Variants in EPX observed in about 807,000 individuals in gnomAD.
EPX encodes eosinophil peroxidase.
EPX carries 60 observed loss-of-function variants against 73.0 expected under a neutral mutation model. The observed-to-expected ratio is 0.82, with a 90% CI of 0.67 to 1.02. The LOEUF is 1.02. Ranked by LOEUF, EPX falls within the 50% of genes least tolerant of loss-of-function variation. The pLI is 0.00. For missense variants in EPX, 950 were observed against 973.9 expected (o/e 0.98, Z 0.33); for synonymous variants, 347 against 389.2 (o/e 0.89, Z 1.28).
intron 11 of EPX, among the ~76,000 whole-genome samples, chr17:58,203,874 G>A (rs1458019068): frequency 7.6e-6 from 1 of 131,094 alleles, no homozygotes; most frequent in African/African-American, 2.8e-5. Flanking sequence ...GGAGCTTGCA[G>A]TGAGCCGAGA....
rs1180820614 is a variant in EPX at position 58,203,311 on chromosome 17, G to A, written c.1939G>A (p.Gly647Arg). The change falls in exon 11 of 13, where the codon GGA (glycine) becomes AGA (arginine). Residue 647 changes from glycine (G) to arginine (R), a missense_variant. By Grantham distance (125) the Gly-to-Arg change is moderately radical. Transcript: ENST00000225371. Reference protein sequence around the residue: ...FENQFRRARDGDRFWWQKRGV... With the variant: ...FENQFRRARDRDRFWWQKRGV... ...GAACCAGTTCAGAAGAGCCCGAGAC[G>A]GAGACAGGTAAGTGACCCTATCATA... The A allele has an allele frequency of 9.9e-6, 16 of 1,610,174 alleles. No homozygotes were observed. In the East Asian group the frequency reaches 1.3e-4, roughly 13 times the overall value.
chr17:58,193,643 G>A (rs1704375894), intron 3 of EPX, 71 bp from the exon 4 acceptor site: 1 of 1,550,556 alleles, frequency 6.4e-7, no homozygotes, highest in Non-Finnish European at 8.9e-7. Context: ...GGGGTGCTGG[G>A]AGGAGAGAGG....
rs767679184 is a variant in EPX at position 58,193,117 on chromosome 17, T to C, written c.156T>C (p.Asn52=). The part of the protein sequence containing the change: ...EAKLLVDAAY[N]WTQKSIKQRL... ...AGTTGCTGGTGGATGCTGCCTACAA[T>C]TGGACCCAGAAGAGGTGGACTTGGG... Residue 52 remains asparagine, a synonymous_variant, in exon 2 of 13, where the codon AAT becomes AAC. Transcript: ENST00000225371. 6.2e-7 allele frequency: 1 copy of C among 1,611,196 alleles called. No individual in the cohort carries two copies. The highest frequency in any genetic ancestry group is 1.7e-5 in the Admixed American group (1 of 60,026).
At chr17:58,202,874 A>G in intron 10 of EPX, 2 of 615,196 alleles carry the variant, frequency 3.3e-6, no homozygotes. Context: ...AGTCTGATGC[A>G]CACTGAGCAC....
At position 58,197,226 on chromosome 17, in the gene EPX, C is replaced by T. The variant is rs1304223856; in HGVS notation, c.1089C>T (p.Asn363=). ...ACGATGACCCCTGTCTCCTCACCAA[C>T]CGCTCGGCGCGCATCCCCTGCTTCC... The part of the protein sequence containing the change: ...NLHDDPCLLT[N]RSARIPCFLA... The change falls in exon 7 of 13, where the codon AAC becomes AAT. Residue 363 remains asparagine (N), a synonymous_variant. Transcript: ENST00000225371. 5.6e-6 allele frequency: 9 copies of T among 1,612,960 alleles called. No individual in the cohort carries two copies. Among genetic ancestry groups the T allele is most frequent in the Non-Finnish European group, 7.6e-6 (9 of 1,180,038 alleles).
Position 58,203,159 on chromosome 17 carries a change from A to G in EPX, c.1787A>G (p.Gln596Arg), listed in dbSNP as rs770541607. The G allele has an allele frequency of 1.2e-6, 2 of 1,614,232 alleles. No individual in the cohort carries two copies. Among genetic ancestry groups the G allele is most frequent in the Non-Finnish European group, 1.7e-6 (2 of 1,180,038 alleles). The change falls in exon 11 of 13, where the codon CAG becomes CGG. Residue 596 changes from glutamine to arginine, a missense_variant. Gln to Arg is a conservative substitution (Grantham distance 43, BLOSUM62 1). Transcript: ENST00000225371. Reference sequence around the variant, plus strand: ...CAGCTTAGCCGGGTGCTGAAAAACCAGGACTTGGCAAGGAAGTTCCTGAAT... The same window carrying G: ...CAGCTTAGCCGGGTGCTGAAAAACCGGGACTTGGCAAGGAAGTTCCTGAAT... ...LAQLSRVLKN[Q>R]DLARKFLNLY...
intron 9 of EPX, 31 bp from the exon 10 acceptor site, chr17:58,200,194 A>T: frequency 6.2e-7 from 1 of 1,611,814 alleles, no homozygotes; most frequent in Admixed American, 1.7e-5. Context: ...AGGCTGGTCC[A>T]ATCTGTGCTG....
rs1053338877 is a variant in EPX, at chr17:58,203,087, A to T, written c.1715A>T (p.Asn572Ile). 1.1e-5 allele frequency: 18 copies of T among 1,613,226 alleles called. No homozygotes were observed. Among genetic ancestry groups the T allele is most frequent in the Non-Finnish European group, 1.4e-5 (17 of 1,179,376 alleles). ...TCTCCCCGTTCCCCTGCAGGGTACA[A>T]TGCTTGGAGGCGCTTCTGTGGGCTC... Reference protein sequence around the residue: ...RSRDHGLPGYNAWRRFCGLSQ... With the variant: ...RSRDHGLPGYIAWRRFCGLSQ... The change falls in exon 11 of 13, where the codon AAT becomes ATT. Residue 572 changes from asparagine (N) to isoleucine (I), a missense_variant. Physicochemically the swap from Asn to Ile is moderately radical, Grantham distance 149. Transcript: ENST00000225371.
At chr17:58,193,232 G>A (rs1381044390) in intron 2 of EPX, 101 bp downstream of exon 2, 1 of 1,224,466 alleles carries the variant, frequency 8.2e-7, no homozygotes. Flanking sequence ...TGGACCCCAT[G>A]AACATTTCCT....
At position 58,197,156 on chromosome 17, in the gene EPX, G is replaced by C. The variant is rs199870912; in HGVS notation, c.1019G>C (p.Arg340Pro). ...NYLGLLAINQRFQDNGRALLP... is the reference protein window; with the variant it reads ...NYLGLLAINQPFQDNGRALLP... ...CTGGGGCTGCTGGCCATCAACCAGC[G>C]CTTTCAAGACAACGGCCGGGCCCTG... Residue 340 changes from arginine (R) to proline (P), a missense_variant, in exon 7 of 13, where the codon CGC becomes CCC. Coordinates refer to ENST00000225371, the MANE Select transcript of EPX (RefSeq NM_000502.6). The C allele has an allele frequency of 4.3e-6, 7 of 1,614,044 alleles. No individual in the cohort carries two copies. The South Asian group carries it at 7.7e-5, about 18-fold the overall frequency.
chr17:58,204,108 A>G, intron 11 of EPX, 114 bp from the exon 12 acceptor site: 1 of 798,380 alleles, frequency 1.3e-6, no homozygotes, highest in Non-Finnish European at 2.2e-6. Flanking sequence ...ATCTTGCAGG[A>G]ATTTTGTGAG....
chr17:58,203,525 G>T (rs1397247115), intron 11 of EPX, among the ~76,000 whole-genome samples: 1 of 152,164 alleles, frequency 6.6e-6, no homozygotes. Context: ...TGCCTGAGCT[G>T]GAGTCATCTT....
intron 12 of EPX, 114 bp from the exon 13 acceptor site, chr17:58,204,622 G>T (rs1370491264): frequency 5.0e-6 from 3 of 594,614 alleles, no homozygotes; most frequent in African/African-American, 1.9e-5. Context: ...TAGGACTTTG[G>T]GGGGAAATTA....
Position 58,200,258 on chromosome 17 carries a change from C to T in EPX, c.1571C>T (p.Ala524Val), listed in dbSNP as rs1968321336. 4.3e-6 allele frequency: 7 copies of T among 1,614,192 alleles called. No homozygotes were observed. The East Asian group carries it at 1.6e-4, about 36-fold the overall frequency. ...GACCCCATCCTCCGGGGCCTCATGG[C>T]CACCCCTGCCAAGCTGAACCGTCAG... ...GIDPILRGLM[A>V]TPAKLNRQDA... is the part of the protein sequence containing the mutation. The change falls in exon 10 of 13, where the codon GCC (alanine) becomes GTC (valine). Residue 524 changes from alanine (A) to valine (V), a missense_variant. By Grantham distance (64) the Ala-to-Val change is moderately conservative. Transcript: ENST00000225371.
chr17:58,201,567 T>C (rs1416942130), intron 10 of EPX, among the ~76,000 whole-genome samples: 1 of 151,920 alleles, frequency 6.6e-6, no homozygotes, highest in Non-Finnish European at 1.5e-5. Flanking sequence ...GCAGGAGGGG[T>C]CTGGGTCGTA....
chr17:58,203,876 G>A (rs1306215237), intron 11 of EPX, among the ~76,000 whole-genome samples: 4 of 130,902 alleles, frequency 3.1e-5, no homozygotes, highest in East Asian at 2.3e-4. Flanking sequence ...AGCTTGCAGT[G>A]AGCCGAGATC....
At position 58,194,998 on chromosome 17, in the gene EPX, C is replaced by T; in HGVS notation, c.629C>T (p.Pro210Leu). ...RAVSNQIVRF[P>L]NERLTSDRGR... ...GTCTCCAACCAGATTGTGCGCTTCC[C>T]CAATGAGAGACTGACCTCCGACCGT... The change falls in exon 6 of 13, where the codon CCC becomes CTC. Residue 210 changes from proline (P) to leucine (L), a missense_variant. Physicochemically the swap from Pro to Leu is moderately conservative, Grantham distance 98. Coordinates refer to ENST00000225371, the MANE Select transcript of EPX (RefSeq NM_000502.6). 1 of 1,614,146 alleles carries T rather than the reference C, an allele frequency of 6.2e-7. No homozygotes were observed. The highest frequency in any genetic ancestry group is 8.5e-7 in the Non-Finnish European group (1 of 1,179,980).
At position 58,193,085 on chromosome 17, in the gene EPX, G is replaced by C; in HGVS notation, c.124G>C (p.Glu42Gln). ...ETSVLRDCIA[E>Q]AKLLVDAAYN... ...CTCGGTCCTGCGAGACTGCATAGCA[G>C]AGGCCAAGTTGCTGGTGGATGCTGC... The change falls in exon 2 of 13, where the codon GAG (glutamate) becomes CAG (glutamine). Residue 42 changes from glutamate to glutamine, a missense_variant. Glu to Gln is a conservative substitution (Grantham distance 29, BLOSUM62 2). Coordinates refer to ENST00000225371, the MANE Select transcript of EPX (RefSeq NM_000502.6). 1 of 1,613,152 alleles carries C rather than the reference G, an allele frequency of 6.2e-7. No individual in the cohort carries two copies. Among genetic ancestry groups the C allele is most frequent in the South Asian group, 1.1e-5 (1 of 91,032 alleles).
chr17:58,196,510 C>G (rs1049411061), intron 6 of EPX, among the ~76,000 whole-genome samples: 2 of 152,164 alleles, frequency 1.3e-5, no homozygotes, highest in African/African-American at 4.8e-5. Flanking sequence ...CTTCCTGCAA[C>G]CTTTCCTGTG....
Sources: gnomAD v4.1 joint callset for allele counts (sites outside exome capture counted in the v4.1 genomes callset) on GRCh38, gnomAD v4.1.1 for gene constraint, MANE v1.5 for transcripts, NCBI Gene and HGNC (gene_info 2026-07-23, HGNC 2026-07-21) for gene names.